CAST: variants seen among roughly 807,000 people sequenced by gnomAD.
CAST encodes calpastatin, also known as MIR583 host.
In CAST, 76 loss-of-function variants were observed where a neutral mutation model predicts 119.6. That is an observed-to-expected ratio of 0.64 (90% CI 0.53 to 0.77). CAST has a LOEUF of 0.77. Among genes scored for constraint, CAST ranks in the 30% least tolerant of loss-of-function variants. CAST has a pLI of 0.00. For missense variants in CAST, 953 were observed against 946.5 expected (o/e 1.01, Z -0.09); for synonymous variants, 319 against 331.6 (o/e 0.96, Z 0.41).
chr5:96,540,851 G>C (rs80237814), intron 1 of CAST, among the ~76,000 whole-genome samples: 1 of 152,190 alleles, frequency 6.6e-6, no homozygotes, highest in Non-Finnish European at 1.5e-5. Context: ...GCATAGTATA[G>C]AGGTATGGGT....
the CAST span, among the ~76,000 whole-genome samples, chr5:96,110,255 T>G: frequency 6.6e-6 from 1 of 152,228 alleles, no homozygotes; most frequent in Non-Finnish European, 1.5e-5. Flanking sequence ...TCTTGTTTTA[T>G]TTACCCGTGT....
At chr5:96,770,432 G>A (rs899866114) in intron 29 of CAST, 99 bp from the exon 30 acceptor site, 6 of 688,032 alleles carry the variant, frequency 8.7e-6, no homozygotes, top group African/African-American at 7.1e-5. Context: ...TAATTAAATT[G>A]GAGATCTCAG....
At chr5:96,270,501 T>G in the CAST span, among the ~76,000 whole-genome samples, 1 of 152,088 alleles carries the variant, frequency 6.6e-6, no homozygotes, top group African/African-American at 2.4e-5. Flanking sequence ...ACCTAAAGAC[T>G]TCACCTATGG....
chr5:96,163,974 G>A, the CAST span, among the ~76,000 whole-genome samples: 2 of 152,042 alleles, frequency 1.3e-5, no homozygotes, highest in Non-Finnish European at 2.9e-5. Context: ...TCTGTAAAAT[G>A]GGCATAATGA....
chr5:96,295,789 G>A, the CAST span, among the ~76,000 whole-genome samples: 1 of 152,228 alleles, frequency 6.6e-6, no homozygotes, highest in Admixed American at 6.5e-5. Context: ...CAGACTGCTT[G>A]TTTCAAAATA....
the CAST span, among the ~76,000 whole-genome samples, chr5:96,467,766 C>T: frequency 0.14 from 20,985 of 151,566 alleles, 1,484 homozygotes; most frequent in Middle Eastern, 0.16. Flanking sequence ...CAAGAAGGAA[C>T]ACAAATGCAC....
the CAST span, among the ~76,000 whole-genome samples, chr5:96,185,750 A>T: frequency 6.6e-6 from 1 of 152,080 alleles, no homozygotes; most frequent in Non-Finnish European, 1.5e-5. Flanking sequence ...TGGTTACTGC[A>T]CCCTTGTAGT....
chr5:96,398,980 C>T, the CAST span: 1 of 1,612,660 alleles, frequency 6.2e-7, no homozygotes. Context: ...ATTTTCTTGT[C>T]CTTCACAAGC....
chr5:96,264,941 G>A, the CAST span, among the ~76,000 whole-genome samples: 1 of 152,200 alleles, frequency 6.6e-6, no homozygotes, highest in Non-Finnish European at 1.5e-5. Context: ...TTTAATTGGT[G>A]ATGGACATTT....
At chr5:96,273,872 C>T in the CAST span, among the ~76,000 whole-genome samples, 1,090 of 152,166 alleles carry the variant, frequency 7.2e-3, 12 homozygotes, top group African/African-American at 0.025. Context: ...GACAGGGCAC[C>T]GAGGCTTGAT....
chr5:96,523,574 A>G (rs1745551589), upstream of CAST, among the ~76,000 whole-genome samples: 2 of 152,176 alleles, frequency 1.3e-5, no homozygotes, highest in South Asian at 4.1e-4. Flanking sequence ...ATCAGCTGGG[A>G]TCGCTCATAA....
the CAST span, among the ~76,000 whole-genome samples, chr5:96,138,028 T>A: frequency 6.6e-6 from 1 of 152,194 alleles, no homozygotes; most frequent in East Asian, 1.9e-4. Flanking sequence ...CTTCATAGGT[T>A]GTGCTTTTGG....
At chr5:96,384,162 C>T in the CAST span, among the ~76,000 whole-genome samples, 1 of 152,252 alleles carries the variant, frequency 6.6e-6, no homozygotes, top group Admixed American at 6.5e-5. Flanking sequence ...TAAGAAGCCA[C>T]ACTTTTCTCA....
chr5:96,762,962 C>T, intron 25 of CAST: 1 of 568,986 alleles, frequency 1.8e-6, no homozygotes, highest in South Asian at 2.1e-5. Flanking sequence ...AAAGCTTTTC[C>T]AGACTTCCTT....
chr5:96,771,846 C>T (rs1772495562), intron 31 of CAST, 144 bp downstream of exon 31: 1 of 498,018 alleles, frequency 2.0e-6, no homozygotes. Flanking sequence ...GCAAGATCTA[C>T]AGAGTAATTG....
intron 1 of CAST, among the ~76,000 whole-genome samples, chr5:96,621,145 A>G (rs750707102): frequency 3.3e-5 from 5 of 152,194 alleles, no homozygotes; most frequent in Non-Finnish European, 5.9e-5. Flanking sequence ...GGAGTGATTT[A>G]AAAGAGACTC....
chr5:96,762,435 A>G, intron 25 of CAST, 63 bp downstream of exon 25: 2 of 1,215,736 alleles, frequency 1.6e-6, no homozygotes, highest in Non-Finnish European at 2.3e-6. Flanking sequence ...GAAAGAAAAT[A>G]GGGCGCCTGT....
At chr5:96,726,768 T>C in intron 4 of CAST, 26 bp from the exon 5 acceptor site, 1 of 1,529,780 alleles carries the variant, frequency 6.5e-7, no homozygotes, top group Non-Finnish European at 9.0e-7. Context: ...AATAAAATTA[T>C]ACCTGGGGCT....
At chr5:96,293,837 A>T in the CAST span, among the ~76,000 whole-genome samples, 1 of 151,680 alleles carries the variant, frequency 6.6e-6, no homozygotes, top group Non-Finnish European at 1.5e-5. Flanking sequence ...AGCTCACTGC[A>T]ACCTCTGCCT....
Sources: gnomAD v4.1 joint callset for allele counts (sites outside exome capture counted in the v4.1 genomes callset) on GRCh38, gnomAD v4.1.1 for gene constraint, MANE v1.5 for transcripts, NCBI Gene and HGNC (gene_info 2026-07-23, HGNC 2026-07-21) for gene names.